Variants in SLC6A17 observed in about 807,000 individuals in gnomAD.
SLC6A17 encodes the protein sodium-dependent neutral amino acid transporter SLC6A17.
SLC6A17 carries 21 observed loss-of-function variants against 64.5 expected under a neutral mutation model. That is an observed-to-expected ratio of 0.33 (90% confidence interval 0.23 to 0.47). The LOEUF (loss-of-function observed/expected upper bound fraction) is 0.47. Among genes scored for constraint, SLC6A17 ranks in the 20% least tolerant of loss-of-function variants. SLC6A17 has a pLI of 1.00. For missense variants in SLC6A17, 682 were observed against 963.2 expected, an observed-to-expected ratio of 0.71 and a Z score of 3.86; for synonymous variants, 372 against 399.5, an observed-to-expected ratio of 0.93 and a Z score of 0.82.
chr1:110,181,560 GTCA>G (rs1214426738), intron 6 of SLC6A17, among the ~76,000 whole-genome samples: 1 of 152,242 alleles, frequency 6.6e-6, no homozygotes, highest in African/African-American at 2.4e-5. Flanking sequence ...GACAGATGTT[GTCA>G]GATAATATAA....
chr1:110,173,015 A>G (rs1426967468), intron 3 of SLC6A17, among the ~76,000 whole-genome samples: 1 of 152,126 alleles, frequency 6.6e-6, no homozygotes, highest in Non-Finnish European at 1.5e-5. Context: ...AGACTGGGAG[A>G]GGGCCTATTG....
In SLC6A17 at chr1:110,176,829, C is replaced by A. The variant is rs115119441; in HGVS notation, c.864+90C>A. 1,340 of 1,093,168 alleles carry A rather than the reference C, an allele frequency of 1.2e-3. 24 individuals are homozygous for A. In the African/African-American group the frequency reaches 0.019, roughly 15 times the overall value. The allele number at this position is 1,093,168 out of a possible 1,614,324, so 67.7% of individuals were successfully genotyped here. On this transcript the variant is annotated intron_variant, in intron 6 of 11. Transcript: ENST00000331565. The stretch of plus-strand genomic sequence containing the variant: ...CTGCAATTTCATGGAATTTAATGCA[C>A]TCCGAACACCTGCTATGTGTTGGGT...
In SLC6A17 at chr1:110,197,560, G is replaced by T; in HGVS notation, c.1776G>T (p.Gly592=). The T allele has an allele frequency of 1.2e-6, 2 of 1,611,832 alleles. No individual in the cohort carries two copies. Among genetic ancestry groups the T allele is most frequent in the South Asian group, 2.2e-5 (2 of 90,922 alleles). ...CCACAGCCAGCATCATCCAGCTGGG[G>T]GTCACGCCCCCGGGCTACAGCGCCT... is the stretch of plus-strand genomic sequence containing the variant. The part of the protein sequence containing the change: ...VLTTASIIQL[G]VTPPGYSAWI... The change falls in exon 11 of 12, where the codon GGG becomes GGT. Residue 592 remains glycine, a synonymous_variant. Coordinates refer to ENST00000331565, the MANE Select transcript of SLC6A17 (RefSeq NM_001010898.4).
chr1:110,188,789 C>T (rs946291057), intron 6 of SLC6A17, among the ~76,000 whole-genome samples: 4 of 151,498 alleles, frequency 2.6e-5, no homozygotes, highest in Non-Finnish European at 5.9e-5. Flanking sequence ...TCTCCTGATC[C>T]GAGGCTTGCT....
chr1:110,200,271 C>A lies in SLC6A17; in HGVS notation c.*1827C>A. 2.5e-6 allele frequency: 1 copy of A among 394,950 alleles called. No individual in the cohort carries two copies. 24.5% of individuals were successfully genotyped at this position (394,950 alleles called of 1,614,324 possible). A position where few individuals can be genotyped will look rare whatever the true frequency, so the allele number is the denominator to read the frequency against. Reference sequence around the variant, plus strand: ...TCTTCCACAGCTTCCCCTTTCTAGCCCCCTCTGCCCTACCTGTCTTTCCTG... The same window carrying A: ...TCTTCCACAGCTTCCCCTTTCTAGCACCCTCTGCCCTACCTGTCTTTCCTG... On this transcript the variant is annotated 3_prime_UTR_variant, in exon 12 of 12. Coordinates refer to ENST00000331565, the MANE Select transcript of SLC6A17 (RefSeq NM_001010898.4).
At chr1:110,162,460 G>T (rs776618223) in intron 1 of SLC6A17, among the ~76,000 whole-genome samples, 3 of 152,198 alleles carry the variant, frequency 2.0e-5, no homozygotes, top group Non-Finnish European at 2.9e-5. Flanking sequence ...GAGAAGTTAG[G>T]GCAATAGTAC....
At chr1:110,188,440 A>G (rs1429643278) in intron 6 of SLC6A17, among the ~76,000 whole-genome samples, 1 of 152,018 alleles carries the variant, frequency 6.6e-6, no homozygotes, top group Non-Finnish European at 1.5e-5. Context: ...AATCCTTCAC[A>G]CCCTCTGACC....
chr1:110,171,604 G>A (rs1307668153), intron 2 of SLC6A17, among the ~76,000 whole-genome samples: 1 of 152,026 alleles, frequency 6.6e-6, no homozygotes, highest in African/African-American at 2.4e-5. Flanking sequence ...TTCAGACGCT[G>A]GGAAGGCTGC....
At chr1:110,154,740 A>G (rs1655711024) in intron 1 of SLC6A17, among the ~76,000 whole-genome samples, 1 of 152,224 alleles carries the variant, frequency 6.6e-6, no homozygotes, top group African/African-American at 2.4e-5. Flanking sequence ...CTGCATATGC[A>G]GAATCAAGGA....
rs769065356 is a variant in SLC6A17, at chr1:110,176,751, G to A, written c.864+12G>A. On this transcript the variant is annotated intron_variant, in intron 6 of 11. Transcript: ENST00000331565. ...TGTTCACTCCCAAGGTAAGGGTTTG[G>A]GGCTCCCACATGCCAGGGAACAGCA... 2.5e-6 allele frequency: 4 copies of A among 1,607,544 alleles called. No individual in the cohort carries two copies. The African/African-American group carries it at 5.3e-5, about 21-fold the overall frequency.
intron 6 of SLC6A17, among the ~76,000 whole-genome samples, chr1:110,187,425 C>T (rs1408867476): frequency 6.6e-6 from 1 of 152,224 alleles, no homozygotes; most frequent in African/African-American, 2.4e-5. Flanking sequence ...CAGTTGACCA[C>T]ATTTGATTGG....
At chr1:110,158,792 G>T (rs925410345) in intron 1 of SLC6A17, among the ~76,000 whole-genome samples, 1 of 152,142 alleles carries the variant, frequency 6.6e-6, no homozygotes, top group Non-Finnish European at 1.5e-5. Context: ...CAGGGGCTTT[G>T]GATGACTTGC....
At position 110,172,190 on chromosome 1, in the gene SLC6A17, G is replaced by T; in HGVS notation, c.417G>T (p.Leu139=). Reference sequence around the variant, plus strand: ...TGTGGCACTATATATGTCCCCGCCTGGGGGGCATCGGCTTCTCCAGCTGCA... The same window carrying T: ...TGTGGCACTATATATGTCCCCGCCTTGGGGGCATCGGCTTCTCCAGCTGCA... ...IGVWHYICPR[L]GGIGFSSCIV... The change falls in exon 3 of 12, where the codon CTG becomes CTT. Residue 139 remains leucine (L), a synonymous_variant. Transcript: ENST00000331565. The T allele has an allele frequency of 6.2e-7, 1 of 1,600,718 alleles. No individual in the cohort carries two copies.
intron 1 of SLC6A17, among the ~76,000 whole-genome samples, chr1:110,158,010 A>T (rs997772854): frequency 2.6e-5 from 4 of 152,060 alleles, no homozygotes; most frequent in African/African-American, 7.2e-5. Flanking sequence ...TCTATATTGT[A>T]TGTGTTTATT....
At chr1:110,184,398 C>T (rs774638740) in intron 6 of SLC6A17, among the ~76,000 whole-genome samples, 4 of 152,216 alleles carry the variant, frequency 2.6e-5, no homozygotes, top group South Asian at 4.1e-4. Flanking sequence ...AGCCACTGCG[C>T]GCAGCCCAGA....
intron 2 of SLC6A17, among the ~76,000 whole-genome samples, chr1:110,170,397 T>C (rs1302791357): frequency 6.6e-6 from 1 of 152,134 alleles, no homozygotes; most frequent in Admixed American, 6.5e-5. Flanking sequence ...GGCAGGAGAA[T>C]GGTGTGAACC....
rs1657098704 is a variant in SLC6A17 at position 110,200,534 on chromosome 1, T to G, written c.*2090T>G. On this transcript the variant is annotated 3_prime_UTR_variant, in exon 12 of 12. Transcript: ENST00000331565. ...TCTGTACATGTGGGTGTAAATGCTG[T>G]TAAATGACAAACCCAATATTATACT... 1 of 157,278 alleles carries G rather than the reference T, an allele frequency of 6.4e-6. No homozygotes were observed. Among genetic ancestry groups the G allele is most frequent in the African/African-American group, 2.4e-5 (1 of 41,698 alleles). The allele number at this position is 157,278 out of a possible 1,614,324, so 9.7% of individuals were successfully genotyped here.
intron 8 of SLC6A17, 111 bp from the exon 9 acceptor site, chr1:110,194,468 C>T: frequency 8.5e-7 from 1 of 1,176,356 alleles, no homozygotes; most frequent in Non-Finnish European, 1.2e-6. Context: ...GTGGGAACCC[C>T]TGTGAAAGAG....
rs1656848874 is a variant in SLC6A17, at chr1:110,192,323, A to AT, written c.1106+110_1106+111insT. The AT allele has an allele frequency of 2.5e-5, 38 of 1,505,642 alleles. No individual in the cohort carries two copies. The highest frequency in any genetic ancestry group is 2.1e-4 in the Middle Eastern group (1 of 4,704). 93.3% of individuals were successfully genotyped at this position (1,505,642 alleles called of 1,614,324 possible). ...GGGGAGAGAGGTCCCCTCCACTCAG[A>AT]CTGAGGAATGGAGATCAGAGGAGCA... On this transcript the variant is annotated intron_variant, in intron 7 of 11. Coordinates refer to ENST00000331565, the MANE Select transcript of SLC6A17 (RefSeq NM_001010898.4). The surrounding 1 kb of genome is among the most constrained non-coding windows in gnomAD (Gnocchi z 4.3).
Sources: gnomAD v4.1 joint callset for allele counts (sites outside exome capture counted in the v4.1 genomes callset) on GRCh38, gnomAD v4.1.1 for gene constraint, Gnocchi (gnomAD v3.1) non-coding constraint, MANE v1.5 for transcripts, NCBI Gene and HGNC (gene_info 2026-07-23, HGNC 2026-07-21) for gene names.